Variants in RAB6D observed in about 807,000 individuals in gnomAD.
RAB6D encodes the protein RAB6D, member RAS oncogene family.
In RAB6D, 11 loss-of-function variants were observed where a neutral mutation model predicts 17.5. The observed-to-expected ratio is 0.63, with a 90% CI of 0.39 to 1.04. The LOEUF (loss-of-function observed/expected upper bound fraction) is 1.04. Ranked by LOEUF, RAB6D falls within the 50% of genes least tolerant of loss-of-function variation. The probability of loss-of-function intolerance (pLI) is 0.00; values close to 1 mark genes in which losing one functional copy is unlikely to be tolerated. For synonymous variants in RAB6D, 68 were observed against 122.6 expected (o/e 0.55, Z 2.94); for missense variants, 163 against 315.1 (o/e 0.52, Z 3.65).
rs573771315 is a variant in RAB6D at position 131,361,708 on chromosome 2, A to G, written c.*1248T>C. The G allele has an allele frequency of 1.1e-3, 178 of 167,144 alleles. No individual in the cohort carries two copies. The highest frequency in any genetic ancestry group is 1.7e-3 in the Non-Finnish European group (115 of 68,092). 10.4% of individuals were successfully genotyped at this position (167,144 alleles called of 1,614,324 possible). On this transcript the variant is annotated 3_prime_UTR_variant, in exon 1 of 1. Transcript: ENST00000623617. ...ATTGAAAGTTGTTAAAAAAAAAGCA[A>G]AGAAATATCACCAAAGAAAAAAGAT... is the stretch of plus-strand genomic sequence containing the variant.
rs771649547 is a variant in RAB6D at position 131,363,280 on chromosome 2, C to T, written c.441G>A (p.Gly147=). 3 of 1,614,006 alleles carry T rather than the reference C, an allele frequency of 1.9e-6. No individual in the cohort carries two copies. The highest frequency in any genetic ancestry group is 4.5e-5 in the East Asian group (2 of 44,874). Residue 147 remains glycine (G), a synonymous_variant, in exon 1 of 1, where the codon GGG becomes GGA. Transcript: ENST00000623617. ...SIEEGERKAK[G]LNVTFIETRA... ...TAGTTTCAATAAACGTAACATTCAG[C>T]CCTTTGGCTTTCCTCTCTCCCTCCT...
rs1456291738 is a variant in RAB6D, at chr2:131,363,950, AAGGGAAGG to A, written c.-238_-231del. On this transcript the variant is annotated 5_prime_UTR_variant, in exon 1 of 1. Coordinates refer to ENST00000623617, the MANE Select transcript of RAB6D (RefSeq NM_001077637.3). ...GCACCGAGCGAGGCCCGCGGCTGGG[AAGGGAAGG>A]AGGGCGGTGTCGGCAGGAGCCAGGG... The A allele has an allele frequency of 1.3e-5, 9 of 685,144 alleles. No homozygotes were observed. Among genetic ancestry groups the A allele is most frequent in the Non-Finnish European group, 2.2e-5 (9 of 403,418 alleles). The allele number at this position is 685,144 out of a possible 1,614,324, so 42.4% of individuals were successfully genotyped here.
chr2:131,363,657 G>A lies in RAB6D; in HGVS notation c.64C>T (p.Gln22Ter). The A allele has an allele frequency of 1.4e-6, 2 of 1,429,084 alleles. No homozygotes were observed. The highest frequency in any genetic ancestry group is 1.9e-6 in the Non-Finnish European group (2 of 1,039,910). The allele number at this position is 1,429,084 out of a possible 1,614,324, so 88.5% of individuals were successfully genotyped here. A position where few individuals can be genotyped will look rare whatever the true frequency, so the allele number is the denominator to read the frequency against. ...ATCAAAGATGTCTTTGCAACGCTTT[G>A]CTCCCCCAGGAACACCAGCTTGAAT... Reference protein sequence around the residue: ...RKFKLVFLGEQSVAKTSLITR... With the variant: ...RKFKLVFLGE The change falls in exon 1 of 1, where the codon CAA becomes TAA. Residue 22 changes from glutamine (Q) to a stop codon, truncating the protein, a stop_gained. Transcript: ENST00000623617. LOFTEE classifies it high-confidence loss of function.
chr2:131,363,073 G>A lies in RAB6D; in HGVS notation c.648C>T (p.Thr216=), dbSNP rs1411351630. ...CSCYSPMSSS[T]LPQKPPYSFI... Reference sequence around the variant, plus strand: ...AAGAGTAAGGGGGCTTCTGAGGAAGGGTTGAAGATGACATGGGAGAGTAGC... The same window carrying A: ...AAGAGTAAGGGGGCTTCTGAGGAAGAGTTGAAGATGACATGGGAGAGTAGC... Residue 216 remains threonine, a synonymous_variant, in exon 1 of 1, where the codon ACC becomes ACT. Transcript: ENST00000623617. The A allele has an allele frequency of 1.1e-5, 18 of 1,606,784 alleles. No homozygotes were observed. Among genetic ancestry groups the A allele is most frequent in the Non-Finnish European group, 1.5e-5 (18 of 1,174,940 alleles).
rs2105214856 is a variant in RAB6D at position 131,362,348 on chromosome 2, A to T, written c.*608T>A. ...TAATTTTCTCTCCCAGAGTCTAATA[A>T]AGCACATGTGAAAGGACCATTTGTT... is the stretch of plus-strand genomic sequence containing the variant. On this transcript the variant is annotated 3_prime_UTR_variant, in exon 1 of 1. Transcript: ENST00000623617. The T allele has an allele frequency of 6.0e-6, 1 of 167,904 alleles. No individual in the cohort carries two copies. The highest frequency in any genetic ancestry group is 2.1e-4 in the South Asian group (1 of 4,868). The allele number at this position is 167,904 out of a possible 1,614,324, so 10.4% of individuals were successfully genotyped here. A position where few individuals can be genotyped will look rare whatever the true frequency, so the allele number is the denominator to read the frequency against.
In RAB6D at chr2:131,363,099, A is replaced by G. The variant is rs755965731; in HGVS notation, c.622T>C (p.Cys208Arg). ...GTTGAAGATGACATGGGAGAGTAGCAGGAACAACCCCCTTCGCTGACTGTT... is the reference window on the plus strand; with the variant it reads ...GTTGAAGATGACATGGGAGAGTAGCGGGAACAACCCCCTTCGCTGACTGTT... ...EQTVSEGGCSCYSPMSSSTLP... is the reference protein window; with the variant it reads ...EQTVSEGGCSRYSPMSSSTLP... Residue 208 changes from cysteine to arginine, a missense_variant, in exon 1 of 1, where the codon TGC (cysteine) becomes CGC (arginine). Coordinates refer to ENST00000623617, the MANE Select transcript of RAB6D (RefSeq NM_001077637.3). 13 of 1,607,574 alleles carry G rather than the reference A, an allele frequency of 8.1e-6. No individual in the cohort carries two copies. The highest frequency in any genetic ancestry group is 1.3e-5 in the African/African-American group (1 of 74,164).
In RAB6D at chr2:131,362,848, G is replaced by T; in HGVS notation, c.*108C>A. On this transcript the variant is annotated 3_prime_UTR_variant, in exon 1 of 1. Coordinates refer to ENST00000623617, the MANE Select transcript of RAB6D (RefSeq NM_001077637.3). ...AAAAGAAAAAAAATGTTAAGAAAAT[G>T]TATCTAATTTTTAAAGTTATCACTG... 6.9e-7 allele frequency: 1 copy of T among 1,452,452 alleles called. No individual in the cohort carries two copies. The highest frequency in any genetic ancestry group is 9.3e-7 in the Non-Finnish European group (1 of 1,081,046). 90.0% of individuals were successfully genotyped at this position (1,452,452 alleles called of 1,614,324 possible). A position where few individuals can be genotyped will look rare whatever the true frequency, so the allele number is the denominator to read the frequency against.
Position 131,364,109 on chromosome 2 carries a change from G to C in RAB6D, c.-389C>G, listed in dbSNP as rs375648564. 1.1e-4 allele frequency: 6 copies of C among 57,084 alleles called. No individual in the cohort carries two copies. The highest frequency in any genetic ancestry group is 1.9e-4 in the Non-Finnish European group (4 of 20,978). 3.5% of individuals were successfully genotyped at this position (57,084 alleles called of 1,614,324 possible). On this transcript the variant is annotated 5_prime_UTR_variant, in exon 1 of 1. Coordinates refer to ENST00000623617, the MANE Select transcript of RAB6D (RefSeq NM_001077637.3). ...ACGTATCTGGGATCTCTCACGCGCG[G>C]CGCTTCGGCTTCCCCAGCCGCCGCC...
In RAB6D at chr2:131,363,512, G is replaced by A. The variant is rs1237223245; in HGVS notation, c.209C>T (p.Ala70Val). 10 of 1,604,952 alleles carry A rather than the reference G, an allele frequency of 6.2e-6. No homozygotes were observed. The highest frequency in any genetic ancestry group is 1.1e-5 in the South Asian group (1 of 90,486). ...GAGGCTACGGAGACGTTCCTGACCC[G>A]CCGTATCCCACAGCCGAAGCCCGAT... Reference protein sequence around the residue: ...GTIGLRLWDTAGQERLRSLIP... With the variant: ...GTIGLRLWDTVGQERLRSLIP... The change falls in exon 1 of 1, where the codon GCG becomes GTG. Residue 70 changes from alanine (A) to valine (V), a missense_variant. Physicochemically the swap from Ala to Val is moderately conservative, Grantham distance 64. Around this residue, in one of 2 missense-constraint regions of RAB6D, gnomAD observed 144 missense variants for 244.4 expected, o/e 0.59. Coordinates refer to ENST00000623617, the MANE Select transcript of RAB6D (RefSeq NM_001077637.3).
chr2:131,362,950 A>C lies in RAB6D; in HGVS notation c.*6T>G, dbSNP rs562556809. On this transcript the variant is annotated 3_prime_UTR_variant, in exon 1 of 1. Coordinates refer to ENST00000623617, the MANE Select transcript of RAB6D (RefSeq NM_001077637.3). Reference sequence around the variant, plus strand: ...TGACTTTTTTTGTGCTTGTCAAGCTAATAGATCATCTCCACGAGACAGGCA... The same window carrying C: ...TGACTTTTTTTGTGCTTGTCAAGCTCATAGATCATCTCCACGAGACAGGCA... The C allele has an allele frequency of 3.9e-4, 626 of 1,606,218 alleles. 9 individuals carry two copies. In the South Asian group the frequency reaches 6.5e-3, roughly 17 times the overall value.
rs1703468181 is a variant in RAB6D at position 131,364,016 on chromosome 2, C to T, written c.-296G>A. The T allele has an allele frequency of 2.1e-6, 1 of 478,308 alleles. No homozygotes were observed. The highest frequency in any genetic ancestry group is 3.8e-6 in the Non-Finnish European group (1 of 261,024). 29.6% of individuals were successfully genotyped at this position (478,308 alleles called of 1,614,324 possible). ...TTGGCTTCCCAAGGCTAGGGCCGTT[C>T]CCTTCTTCCTCACCCGGCTCCAAGA... On this transcript the variant is annotated 5_prime_UTR_variant, in exon 1 of 1. Coordinates refer to ENST00000623617, the MANE Select transcript of RAB6D (RefSeq NM_001077637.3).
Position 131,363,848 on chromosome 2 carries a change from G to C in RAB6D, c.-128C>G. 1.6e-6 allele frequency: 2 copies of C among 1,258,696 alleles called. No homozygotes were observed. Among genetic ancestry groups the C allele is most frequent in the Non-Finnish European group, 2.2e-6 (2 of 918,376 alleles). 78.0% of individuals were successfully genotyped at this position (1,258,696 alleles called of 1,614,324 possible). On this transcript the variant is annotated 5_prime_UTR_variant, in exon 1 of 1. Transcript: ENST00000623617. ...GCTCTCTGCGCCCCTGCAAGGGCCG[G>C]TGGAGGAGCCCGGCTGGAGGGCAGC... is the stretch of plus-strand genomic sequence containing the variant.
In RAB6D at chr2:131,360,718, C is replaced by T. The variant is rs1286255648; in HGVS notation, c.*2238G>A. 6.6e-6 allele frequency among the ~76,000 whole-genome samples: 1 copy of T among 151,776 alleles called. No individual in the cohort carries two copies. The highest frequency in any genetic ancestry group is 1.5e-5 in the Non-Finnish European group (1 of 67,940). Reference sequence around the variant, plus strand: ...AACATGAATAGACAATATATAATGCCTAATATTGGTAATCAGGGAAATGCT... The same window carrying T: ...AACATGAATAGACAATATATAATGCTTAATATTGGTAATCAGGGAAATGCT... On this transcript the variant is annotated 3_prime_UTR_variant, in exon 1 of 1. Transcript: ENST00000623617.
chr2:131,360,960 C>A lies in RAB6D; in HGVS notation c.*1996G>T, dbSNP rs1274186355. On this transcript the variant is annotated 3_prime_UTR_variant, in exon 1 of 1. Transcript: ENST00000623617. ...CTTCACTGCTTTGAAGAACTCCAAG[C>A]CAAATAAAAAGACCAATCAATATTA... 6.6e-6 allele frequency among the ~76,000 whole-genome samples: 1 copy of A among 151,950 alleles called. No homozygotes were observed. The highest frequency in any genetic ancestry group is 2.4e-5 in the African/African-American group (1 of 41,338).
rs1306942315 is a variant in RAB6D, at chr2:131,363,442, G to A, written c.279C>T (p.Tyr93=). The change falls in exon 1 of 1, where the codon TAC becomes TAT. Residue 93 remains tyrosine (Y), a synonymous_variant. Coordinates refer to ENST00000623617, the MANE Select transcript of RAB6D (RefSeq NM_001077637.3). ...GGAATGAGTTAACATTTGTGATATCGTAAACTACTACAGCTGCAGCAGAAT... is the reference window on the plus strand; with the variant it reads ...GGAATGAGTTAACATTTGTGATATCATAAACTACTACAGCTGCAGCAGAAT... The part of the protein sequence containing the change: ...IRDSAAAVVV[Y]DITNVNSFQQ... The A allele has an allele frequency of 3.1e-6, 5 of 1,611,406 alleles. No individual in the cohort carries two copies. The South Asian group carries it at 3.3e-5, about 11-fold the overall frequency.
chr2:131,364,068 G>C lies in RAB6D; in HGVS notation c.-348C>G. 1 of 340,030 alleles carries C rather than the reference G, an allele frequency of 2.9e-6. No homozygotes were observed. The highest frequency in any genetic ancestry group is 6.1e-5 in the South Asian group (1 of 16,404). The allele number at this position is 340,030 out of a possible 1,614,324, so 21.1% of individuals were successfully genotyped here. On this transcript the variant is annotated 5_prime_UTR_variant, in exon 1 of 1. Coordinates refer to ENST00000623617, the MANE Select transcript of RAB6D (RefSeq NM_001077637.3). ...CTGCGGGAGAAAGGCGGAGGGTGGC[G>C]GAGCCGGAACCGCAGACGTATCTGG...
Position 131,363,037 on chromosome 2 carries a change from G to T in RAB6D, c.684C>A (p.Cys228Ter). ...PQKPPYSFID[C>*]SVNIGLNLFP... is the part of the protein sequence containing the mutation. ...AAAGGTTCAAGCCAATATTCACACT[G>T]CAGTCAATGAAAGAGTAAGGGGGCT... The change falls in exon 1 of 1, where the codon TGC becomes TGA. Residue 228 changes from cysteine (C) to a stop codon, truncating the protein, a stop_gained. Transcript: ENST00000623617. LOFTEE classifies it high-confidence loss of function. 6.3e-7 allele frequency: 1 copy of T among 1,590,968 alleles called. No homozygotes were observed. Among genetic ancestry groups the T allele is most frequent in the Non-Finnish European group, 8.6e-7 (1 of 1,169,402 alleles).
Position 131,362,777 on chromosome 2 carries a change from A to G in RAB6D, c.*179T>C. On this transcript the variant is annotated 3_prime_UTR_variant, in exon 1 of 1. Transcript: ENST00000623617. ...TGCTCGTTAACCAAGCCATACTCAT[A>G]CTGTTGAGATTTCCATCATTTTGAA... 1 of 642,600 alleles carries G rather than the reference A, an allele frequency of 1.6e-6. No homozygotes were observed. Among genetic ancestry groups the G allele is most frequent in the Non-Finnish European group, 2.7e-6 (1 of 367,054 alleles). The allele number at this position is 642,600 out of a possible 1,614,324, so 39.8% of individuals were successfully genotyped here. A position where few individuals can be genotyped will look rare whatever the true frequency, so the allele number is the denominator to read the frequency against.
chr2:131,362,868 T>C lies in RAB6D; in HGVS notation c.*88A>G, dbSNP rs1352631945. On this transcript the variant is annotated 3_prime_UTR_variant, in exon 1 of 1. Transcript: ENST00000623617. ...AAAATGTATCTAATTTTTAAAGTTA[T>C]CACTGGAATACGCTGAAATAGTTTG... 1 of 1,510,246 alleles carries C rather than the reference T, an allele frequency of 6.6e-7. No individual in the cohort carries two copies. Among genetic ancestry groups the C allele is most frequent in the African/African-American group, 1.4e-5 (1 of 71,386 alleles). 93.6% of individuals were successfully genotyped at this position (1,510,246 alleles called of 1,614,324 possible). A position where few individuals can be genotyped will look rare whatever the true frequency, so the allele number is the denominator to read the frequency against.
Sources: gnomAD v4.1 joint callset for allele counts (sites outside exome capture counted in the v4.1 genomes callset) on GRCh38, gnomAD v4.1.1 for gene constraint, gnomAD v4.1.1 regional missense constraint, MANE v1.5 for transcripts, NCBI Gene and HGNC (gene_info 2026-07-23, HGNC 2026-07-21) for gene names.